Variants in CDC42SE2 observed in about 807,000 individuals in gnomAD.
The protein encoded by CDC42SE2 is CDC42 small effector protein 2.
A neutral mutation model predicts 11.5 loss-of-function variants in CDC42SE2; 3 were observed. The observed-to-expected ratio is 0.26, with a 90% CI of 0.12 to 0.67. CDC42SE2 has a LOEUF of 0.67. CDC42SE2 is among the 30% of genes least tolerant of loss of function. The pLI is 0.80. For synonymous variants in CDC42SE2, 33 were observed against 34.8 expected (o/e 0.95, Z 0.18); for missense variants, 82 against 106.8 (o/e 0.77, Z 1.02).
At chr5:131,390,614 G>C (rs768672821) in intron 4 of CDC42SE2, among the ~76,000 whole-genome samples, 5 of 152,094 alleles carry the variant, frequency 3.3e-5, no homozygotes, top group Non-Finnish European at 7.4e-5. Flanking sequence ...GGTGGAGGTT[G>C]CAGTGAGCTG....
At chr5:131,308,520 G>A (rs201550859) in intron 1 of CDC42SE2, among the ~76,000 whole-genome samples, 15 of 151,726 alleles carry the variant, frequency 9.9e-5, no homozygotes, top group Non-Finnish European at 2.1e-4. Flanking sequence ...CATTGAATCT[G>A]TAAATTACCT....
the CDC42SE2 span, among the ~76,000 whole-genome samples, chr5:131,215,365 A>G: frequency 1.3e-5 from 2 of 152,222 alleles, no homozygotes; most frequent in East Asian, 1.9e-4. Context: ...GAGAGAGAGA[A>G]AAGAATGGAG....
In CDC42SE2 at chr5:131,258,995, G is replaced by T. The variant is rs80137035; in HGVS notation, n.242+3766G>T. 2.0e-3 allele frequency among the ~76,000 whole-genome samples: 299 copies of T among 152,316 alleles called. 1 individual carries two copies. The highest frequency in any genetic ancestry group is 6.9e-3 in the African/African-American group (288 of 41,562). ...CAGGTAAGAGTGTAAAGCAAAGTTT[G>T]ACTTAGCTTGCCTTCCTATCTTTGG... is the stretch of plus-strand genomic sequence containing the variant. On this transcript the variant is annotated intron_variant and non_coding_transcript_variant, in intron 2 of 3. Coordinates refer to the CDC42SE2 transcript ENST00000502840.
intron 1 of CDC42SE2, among the ~76,000 whole-genome samples, chr5:131,313,765 C>T (rs1309766604): frequency 6.6e-6 from 1 of 152,054 alleles, no homozygotes; most frequent in African/African-American, 2.4e-5. Flanking sequence ...AATTTTTGCC[C>T]TTTTTAAAAG....
chr5:131,215,342 G>A, the CDC42SE2 span, among the ~76,000 whole-genome samples: 115 of 152,314 alleles, frequency 7.6e-4, 1 homozygote, highest in Non-Finnish European at 1.0e-3. Flanking sequence ...TTTAGCTAGC[G>A]TTAAAAAGAA....
rs1278580906 is a variant in CDC42SE2, at chr5:131,393,925, A to T, written c.*2834A>T. 2 of 146,174 alleles carry T rather than the reference A, an allele frequency of 1.4e-5. No individual in the cohort carries two copies. The highest frequency in any genetic ancestry group is 3.0e-5 in the Non-Finnish European group (2 of 67,498). The allele number at this position is 146,174 out of a possible 1,614,324, so 9.1% of individuals were successfully genotyped here. On this transcript the variant is annotated 3_prime_UTR_variant, in exon 5 of 5. Coordinates refer to ENST00000505065, the MANE Select transcript of CDC42SE2 (RefSeq NM_001375635.1). ...ACTTGTCAGCCTATAACTACTCTGC[A>T]GCTGCCACTAACTCTACAGGCACAG...
intron 4 of CDC42SE2, among the ~76,000 whole-genome samples, chr5:131,390,250 A>G (rs1750608704): frequency 6.6e-6 from 1 of 152,174 alleles, no homozygotes; most frequent in South Asian, 2.1e-4. Context: ...ACATTTTTTG[A>G]CACAGACTTT....
At chr5:131,342,054 G>A (rs529523772) in intron 2 of CDC42SE2, among the ~76,000 whole-genome samples, 1 of 152,180 alleles carries the variant, frequency 6.6e-6, no homozygotes, top group South Asian at 2.1e-4. Context: ...GGCTGAGGTG[G>A]GCAGATCAGG....
chr5:131,312,503 G>T (rs1052745096), intron 1 of CDC42SE2, among the ~76,000 whole-genome samples: 2 of 152,194 alleles, frequency 1.3e-5, no homozygotes, highest in Non-Finnish European at 2.9e-5. Context: ...GTTTACCTAA[G>T]CAAGCCTGGG....
the CDC42SE2 span, among the ~76,000 whole-genome samples, chr5:131,216,165 A>G: frequency 1.3e-5 from 2 of 152,166 alleles, no homozygotes; most frequent in Non-Finnish European, 2.9e-5. Context: ...AATTTCTGAC[A>G]TTCCCTTAAA....
chr5:131,212,299 G>C, the CDC42SE2 span, among the ~76,000 whole-genome samples: 5 of 152,046 alleles, frequency 3.3e-5, no homozygotes, highest in South Asian at 2.1e-4. Flanking sequence ...GCAGAGACGG[G>C]GTTTTACTGT....
chr5:131,385,127 C>G (rs1750443536), intron 3 of CDC42SE2, among the ~76,000 whole-genome samples: 1 of 152,038 alleles, frequency 6.6e-6, no homozygotes, highest in South Asian at 2.1e-4. Flanking sequence ...GAATAATAAC[C>G]ATCAAAATAT....
chr5:131,379,908 A>G (rs1750268268), intron 3 of CDC42SE2, among the ~76,000 whole-genome samples: 1 of 151,846 alleles, frequency 6.6e-6, no homozygotes, highest in Non-Finnish European at 1.5e-5. Flanking sequence ...TTGTTTGCCC[A>G]TGACTATTCT....
chr5:131,270,943 A>AG (rs1361020744), intron 1 of CDC42SE2, among the ~76,000 whole-genome samples: 1 of 151,556 alleles, frequency 6.6e-6, no homozygotes, highest in African/African-American at 2.4e-5. Context: ...GAAAAGATAT[A>AG]GGGGGGAAGG....
At chr5:131,232,228 C>A in the CDC42SE2 span, among the ~76,000 whole-genome samples, 540 of 152,236 alleles carry the variant, frequency 3.5e-3, 4 homozygotes, top group African/African-American at 0.012. Flanking sequence ...ATCCTCCCAC[C>A]TCAGCCTCCC....
intron 1 of CDC42SE2, among the ~76,000 whole-genome samples, chr5:131,284,315 CAAAAA>C (rs1406150053): frequency 6.6e-6 from 1 of 151,858 alleles, no homozygotes; most frequent in Non-Finnish European, 1.5e-5. Flanking sequence ...TAATTTTTAA[CAAAAA>C]AGAGTCGTTA....
Position 131,375,424 on chromosome 5 carries a change from A to G in CDC42SE2, c.55-10119A>G, listed in dbSNP as rs183312156. On this transcript the variant is annotated intron_variant, in intron 3 of 4. Coordinates refer to ENST00000505065, the MANE Select transcript of CDC42SE2 (RefSeq NM_001375635.1). ...CACCTATTTATTTATGAATATTTCCAACACAAAATATCTTTCCTTTCTGTA... is the reference window on the plus strand; with the variant it reads ...CACCTATTTATTTATGAATATTTCCGACACAAAATATCTTTCCTTTCTGTA... Among the ~76,000 whole-genome samples, 16 of 152,316 alleles carry G rather than the reference A, an allele frequency of 1.1e-4. No homozygotes were observed. The East Asian group carries it at 3.1e-3, about 29-fold the overall frequency.
chr5:131,243,627 C>T (rs548355277), upstream of CDC42SE2, among the ~76,000 whole-genome samples: 2 of 152,300 alleles, frequency 1.3e-5, no homozygotes, highest in East Asian at 3.9e-4. Flanking sequence ...AGCAGCCCTG[C>T]ATTTTTCATT....
At chr5:131,328,302 T>G (rs558797713) in intron 2 of CDC42SE2, among the ~76,000 whole-genome samples, 1 of 152,330 alleles carries the variant, frequency 6.6e-6, no homozygotes, top group African/African-American at 2.4e-5. Flanking sequence ...TCTTTTACTT[T>G]TGGCATTACT....
Sources: gnomAD v4.1 joint callset for allele counts (sites outside exome capture counted in the v4.1 genomes callset) on GRCh38, gnomAD v4.1.1 for gene constraint, MANE v1.5 for transcripts, NCBI Gene and HGNC (gene_info 2026-07-23, HGNC 2026-07-21) for gene names.